Variants in GPC6 observed in about 807,000 individuals in gnomAD.
GPC6 encodes the protein glypican 6, also known as glypican-6.
Under a neutral mutation model 55.2 loss-of-function variants are expected in GPC6, and 14 were observed. The observed-to-expected ratio is 0.25, with a 90% CI of 0.17 to 0.40. GPC6 has a LOEUF of 0.40. Ranked by LOEUF, GPC6 falls within the 10% of genes least tolerant of loss-of-function variation. The pLI, the probability that GPC6 is intolerant of heterozygous loss-of-function variation, is 1.00. For synonymous variants in GPC6, 278 were observed against 259.6 expected, an observed-to-expected ratio of 1.07 and a Z score of -0.68; for missense variants, 641 against 708.5, an observed-to-expected ratio of 0.90 and a Z score of 1.08.
At chr13:93,776,799 T>G (rs981577507) in intron 2 of GPC6, among the ~76,000 whole-genome samples, 15 of 152,166 alleles carry the variant, frequency 9.9e-5, no homozygotes, top group African/African-American at 3.6e-4. Context: ...ACCTTGTCCC[T>G]GTTAAACCAT....
At position 93,230,641 on chromosome 13, in the gene GPC6, A is replaced by G. The variant is rs77820359; in HGVS notation, c.160+3025A>G. On this transcript the variant is annotated intron_variant, in intron 1 of 8. Coordinates refer to ENST00000377047, the MANE Select transcript of GPC6 (RefSeq NM_005708.5). ...ATGCTTGCTTATTTTTTCTTGTTCT[A>G]TCCTCTGGGAAGATACTGAGCAGTG... is the stretch of plus-strand genomic sequence containing the variant. 6.9e-4 allele frequency among the ~76,000 whole-genome samples: 105 copies of G among 152,186 alleles called. No individual in the cohort carries two copies. In the East Asian group the frequency reaches 7.7e-3, roughly 11 times the overall value.
intron 4 of GPC6, among the ~76,000 whole-genome samples, chr13:94,285,142 G>T (rs1430842980): frequency 1.3e-5 from 2 of 152,174 alleles, no homozygotes; most frequent in Non-Finnish European, 2.9e-5. Flanking sequence ...TATCAAAAAT[G>T]TATTATCTTG....
rs529198128 is a variant in GPC6, at chr13:93,938,896, G to C, written c.712-88833G>C. 2.7e-3 allele frequency among the ~76,000 whole-genome samples: 415 copies of C among 152,244 alleles called. 2 individuals carry two copies. The highest frequency in any genetic ancestry group is 9.6e-3 in the African/African-American group (398 of 41,548). On this transcript the variant is annotated intron_variant, in intron 3 of 8. Transcript: ENST00000377047. ...AGGTGGGCGGATCACAAAGTCAAGA[G>C]ATGGAGACCATCCGGGCCAACACGG... is the stretch of plus-strand genomic sequence containing the variant.
chr13:94,146,133 A>G (rs1887555892), intron 4 of GPC6, among the ~76,000 whole-genome samples: 1 of 152,154 alleles, frequency 6.6e-6, no homozygotes, highest in African/African-American at 2.4e-5. Context: ...ATCCATAATC[A>G]TGTCACATGC....
rs1028623166 is a variant in GPC6, at chr13:93,667,499, C to T, written c.319+122078C>T. Among the ~76,000 whole-genome samples the T allele has an allele frequency of 2.0e-5, 3 of 150,880 alleles. No homozygotes were observed. The East Asian group carries it at 5.9e-4, about 29-fold the overall frequency. On this transcript the variant is annotated intron_variant, in intron 2 of 8. Coordinates refer to ENST00000377047, the MANE Select transcript of GPC6 (RefSeq NM_005708.5). ...CCAGGGTGGAGTGCAGTGGCAAGAA[C>T]TTGGTTCACTGCAACCTTCGCCTCA... is the stretch of plus-strand genomic sequence containing the variant.
intron 1 of GPC6, among the ~76,000 whole-genome samples, chr13:93,346,898 T>A (rs1470141433): frequency 1.4e-5 from 2 of 144,928 alleles, no homozygotes; most frequent in African/African-American, 4.8e-5. Flanking sequence ...ACTAGGTATG[T>A]TTATTTCTAT....
At chr13:93,752,455 GA>G (rs1244475716) in intron 2 of GPC6, among the ~76,000 whole-genome samples, 2 of 145,728 alleles carry the variant, frequency 1.4e-5, no homozygotes, top group Non-Finnish European at 3.0e-5. Flanking sequence ...AAAAAAAAAA[GA>G]AAAAAAAAGA....
intron 3 of GPC6, among the ~76,000 whole-genome samples, chr13:94,006,742 C>T (rs72644501): frequency 5.3e-4 from 81 of 152,232 alleles, no homozygotes; most frequent in African/African-American, 1.9e-3. Flanking sequence ...GGTATTTGGC[C>T]TTTCTCATTT....
chr13:94,009,919 G>A (rs560783853), intron 3 of GPC6, among the ~76,000 whole-genome samples: 8 of 152,116 alleles, frequency 5.3e-5, no homozygotes, highest in Admixed American at 5.2e-4. Context: ...GAATTCAGTT[G>A]GCATTGCTGT....
chr13:93,792,121 C>A (rs1886058012), intron 2 of GPC6, among the ~76,000 whole-genome samples: 1 of 152,204 alleles, frequency 6.6e-6, no homozygotes, highest in Non-Finnish European at 1.5e-5. Flanking sequence ...TGCTATTGAA[C>A]CTGCTTCCTC....
chr13:93,438,860 A>G lies in GPC6; in HGVS notation c.161-106403A>G, dbSNP rs73552695. Among the ~76,000 whole-genome samples, 599 of 152,230 alleles carry G rather than the reference A, an allele frequency of 3.9e-3. 9 individuals are homozygous for G. The highest frequency in any genetic ancestry group is 0.014 in the African/African-American group (579 of 41,550). On this transcript the variant is annotated intron_variant, in intron 1 of 8. Transcript: ENST00000377047. ...TGCTACAGGAAACTGTTTAATGAAGAGAAGATTCAATTGATAGGACACATT... is the reference window on the plus strand; with the variant it reads ...TGCTACAGGAAACTGTTTAATGAAGGGAAGATTCAATTGATAGGACACATT...
At chr13:93,246,104 G>C (rs1876595025) in intron 1 of GPC6, among the ~76,000 whole-genome samples, 1 of 152,078 alleles carries the variant, frequency 6.6e-6, no homozygotes, top group African/African-American at 2.4e-5. Flanking sequence ...CCTCCTCCTT[G>C]AGCTGTTTTT....
intron 6 of GPC6, among the ~76,000 whole-genome samples, chr13:94,325,866 G>A (rs1035332442): frequency 1.3e-5 from 2 of 152,180 alleles, no homozygotes; most frequent in Non-Finnish European, 2.9e-5. Context: ...AGAGCAAGAC[G>A]ACAATGAGAC....
intron 1 of GPC6, among the ~76,000 whole-genome samples, chr13:93,500,162 C>G (rs1196672766): frequency 1.3e-5 from 2 of 152,090 alleles, no homozygotes; most frequent in Admixed American, 6.5e-5. Context: ...GTAAGCAATT[C>G]CAGGTTGGCA....
At chr13:93,827,434 G>T (rs1281909505) in intron 2 of GPC6, among the ~76,000 whole-genome samples, 3 of 152,132 alleles carry the variant, frequency 2.0e-5, no homozygotes, top group African/African-American at 7.2e-5. Context: ...CCTTATTTTG[G>T]GAGGACATTA....
intron 1 of GPC6, among the ~76,000 whole-genome samples, chr13:93,320,633 T>A (rs1566297517): frequency 6.7e-6 from 1 of 149,550 alleles, no homozygotes; most frequent in African/African-American, 2.4e-5. Flanking sequence ...AGTGTATATA[T>A]TATATATATA....
chr13:94,245,551 G>T (rs543316186), intron 4 of GPC6, among the ~76,000 whole-genome samples: 1 of 151,950 alleles, frequency 6.6e-6, no homozygotes, highest in Non-Finnish European at 1.5e-5. Context: ...GCCTGGGCAA[G>T]AGAGTAAGAC....
intron 4 of GPC6, among the ~76,000 whole-genome samples, chr13:94,187,612 C>G (rs1268493601): frequency 1.3e-5 from 2 of 152,074 alleles, no homozygotes; most frequent in Non-Finnish European, 2.9e-5. Context: ...TTTAGGTATT[C>G]AACAAATACT....
intron 1 of GPC6, among the ~76,000 whole-genome samples, chr13:93,491,850 T>A (rs1366382613): frequency 9.1e-6 from 1 of 109,312 alleles, no homozygotes; most frequent in African/African-American, 3.4e-5. Flanking sequence ...GCGTTATTTC[T>A]GAGGGCTCTG....
Sources: gnomAD v4.1 joint callset for allele counts (sites outside exome capture counted in the v4.1 genomes callset) on GRCh38, gnomAD v4.1.1 for gene constraint, MANE v1.5 for transcripts, NCBI Gene and HGNC (gene_info 2026-07-23, HGNC 2026-07-21) for gene names.